ITPR2: variants seen among roughly 807,000 people sequenced by gnomAD.
ITPR2 encodes inositol 1,4,5-trisphosphate receptor type 2, also known as inositol 1,4,5-trisphosphate-gated calcium channel ITPR2.
ITPR2 carries 207 observed loss-of-function variants against 317.1 expected under a neutral mutation model. The observed-to-expected ratio is 0.65, with a 90% confidence interval of 0.58 to 0.73. ITPR2 has a LOEUF of 0.73. Among genes scored for constraint, ITPR2 ranks in the 30% least tolerant of loss-of-function variants. The probability of loss-of-function intolerance (pLI) is 0.00; values close to 1 mark genes in which losing one functional copy is unlikely to be tolerated. For missense variants in ITPR2, 2,613 were observed against 3,284.0 expected (o/e 0.80, Z 4.99); for synonymous variants, 1,156 against 1,149.1 (o/e 1.01, Z -0.12).
At chr12:26,617,861 A>G (rs915649301) in intron 26 of ITPR2, among the ~76,000 whole-genome samples, 1 of 152,190 alleles carries the variant, frequency 6.6e-6, no homozygotes, top group African/African-American at 2.4e-5. Flanking sequence ...GAGATGTAAA[A>G]TTCTACAGAA....
chr12:26,638,577 A>G (rs950287736), intron 21 of ITPR2, among the ~76,000 whole-genome samples: 2 of 152,190 alleles, frequency 1.3e-5, no homozygotes, highest in African/African-American at 4.8e-5. Flanking sequence ...GAGTTTGGTT[A>G]AGTGATTATG....
intron 1 of ITPR2, among the ~76,000 whole-genome samples, chr12:26,823,277 C>T (rs996538785): frequency 6.6e-6 from 1 of 152,106 alleles, no homozygotes; most frequent in Non-Finnish European, 1.5e-5. Context: ...CTACTATATA[C>T]CAGCAATTTT....
intron 45 of ITPR2, among the ~76,000 whole-genome samples, chr12:26,454,441 T>C (rs890792555): frequency 2.0e-5 from 3 of 152,102 alleles, no homozygotes; most frequent in African/African-American, 7.2e-5. Flanking sequence ...CTCTTGACCT[T>C]GTGATCTGCC....
intron 34 of ITPR2, among the ~76,000 whole-genome samples, chr12:26,565,530 A>G (rs1371096669): frequency 2.7e-5 from 4 of 150,410 alleles, no homozygotes; most frequent in Admixed American, 1.4e-4. Flanking sequence ...AGATAGATAG[A>G]CAGACAGACA....
intron 2 of ITPR2, among the ~76,000 whole-genome samples, chr12:26,789,178 G>A (rs966741061): frequency 6.6e-6 from 1 of 152,148 alleles, no homozygotes; most frequent in Non-Finnish European, 1.5e-5. Flanking sequence ...CTTATAAAGT[G>A]ACCAATTTAA....
chr12:26,388,564 C>T (rs1282361906), intron 54 of ITPR2, among the ~76,000 whole-genome samples: 1 of 152,038 alleles, frequency 6.6e-6, no homozygotes, highest in Admixed American at 6.6e-5. Context: ...ATTGATCCTC[C>T]TACTTCAGCC....
intron 39 of ITPR2, among the ~76,000 whole-genome samples, chr12:26,490,080 T>A (rs1157262167): frequency 6.6e-6 from 1 of 152,224 alleles, no homozygotes; most frequent in Non-Finnish European, 1.5e-5. Context: ...AAGGTTTTCA[T>A]ATATAAGAGT....
chr12:26,469,541 TGTC>T (rs1482285358), intron 45 of ITPR2, among the ~76,000 whole-genome samples: 1 of 152,182 alleles, frequency 6.6e-6, no homozygotes, highest in African/African-American at 2.4e-5. Context: ...CTCTAGTAAC[TGTC>T]TTTCACCAGG....
intron 55 of ITPR2, among the ~76,000 whole-genome samples, chr12:26,342,851 C>T (rs949227784): frequency 2.6e-5 from 4 of 151,812 alleles, no homozygotes; most frequent in Admixed American, 6.6e-5. Context: ...TCAAGTGATC[C>T]GCCTGCCTCG....
At chr12:26,640,697 T>C (rs1408400863) in intron 21 of ITPR2, among the ~76,000 whole-genome samples, 2 of 152,116 alleles carry the variant, frequency 1.3e-5, no homozygotes, top group Non-Finnish European at 2.9e-5. Flanking sequence ...GACAACCTTA[T>C]GAAAAATAAT....
At chr12:26,752,021 A>G (rs1256116561) in intron 2 of ITPR2, among the ~76,000 whole-genome samples, 2 of 152,216 alleles carry the variant, frequency 1.3e-5, no homozygotes, top group Non-Finnish European at 2.9e-5. Flanking sequence ...AAAATTAACA[A>G]TTAATTTTCA....
intron 2 of ITPR2, among the ~76,000 whole-genome samples, chr12:26,730,947 A>T (rs1949017599): frequency 6.6e-6 from 1 of 152,206 alleles, no homozygotes; most frequent in Non-Finnish European, 1.5e-5. Context: ...CACTTACAAT[A>T]GCTGTATAAA....
At chr12:26,725,849 T>A in intron 2 of ITPR2, 84 bp from the exon 3 acceptor site, 1 of 865,252 alleles carries the variant, frequency 1.2e-6, no homozygotes, top group Non-Finnish European at 1.9e-6. Flanking sequence ...CTTTTGAATC[T>A]TGGAATCCCT....
chr12:26,423,368 A>T (rs774349740), intron 49 of ITPR2, among the ~76,000 whole-genome samples: 1 of 152,178 alleles, frequency 6.6e-6, no homozygotes, highest in Non-Finnish European at 1.5e-5. Flanking sequence ...ACCCTATTAA[A>T]TTTGAACACA....
intron 45 of ITPR2, among the ~76,000 whole-genome samples, chr12:26,452,286 T>C (rs1941760491): frequency 6.6e-6 from 1 of 152,076 alleles, no homozygotes; most frequent in South Asian, 2.1e-4. Context: ...AAGAATGAAG[T>C]GTTTTTAAAG....
chr12:26,485,199 G>A (rs1246162399), intron 41 of ITPR2, among the ~76,000 whole-genome samples: 1 of 152,076 alleles, frequency 6.6e-6, no homozygotes, highest in Non-Finnish European at 1.5e-5. Flanking sequence ...GGTAAGCAGG[G>A]AAGGAAACAT....
chr12:26,741,545 T>C (rs1205680429), intron 2 of ITPR2, among the ~76,000 whole-genome samples: 1 of 152,024 alleles, frequency 6.6e-6, no homozygotes, highest in Non-Finnish European at 1.5e-5. Context: ...GGAAGTTTTG[T>C]TTGAAAAAAA....
chr12:26,611,725 GCC>G (rs1246246082), intron 26 of ITPR2, among the ~76,000 whole-genome samples: 2 of 152,190 alleles, frequency 1.3e-5, no homozygotes, highest in African/African-American at 4.8e-5. Flanking sequence ...GCACTGCAAT[GCC>G]CACGTGACCT....
chr12:26,528,549 C>A (rs553439835), intron 37 of ITPR2, among the ~76,000 whole-genome samples: 1 of 152,288 alleles, frequency 6.6e-6, no homozygotes, highest in African/African-American at 2.4e-5. Flanking sequence ...CAAAATAACT[C>A]TTTACATTGT....
Sources: allele counts gnomAD v4.1 joint callset (sites outside exome capture counted in the v4.1 genomes callset), GRCh38; gene constraint gnomAD v4.1.1; transcripts MANE v1.5; gene names NCBI Gene and HGNC (gene_info 2026-07-23, HGNC 2026-07-21).